Variants in BBS9 observed in about 807,000 individuals in gnomAD.
BBS9 encodes the protein Bardet-Biedl syndrome 9.
Under a neutral mutation model 117.7 loss-of-function variants are expected in BBS9, and 89 were observed. The ratio of observed to expected loss-of-function variants is 0.76; its 90% confidence interval spans 0.64 to 0.90. BBS9 has a LOEUF of 0.90. BBS9 is among the 40% of genes least tolerant of loss of function. The pLI is 0.00. For missense variants in BBS9, 982 were observed against 1,042.2 expected (o/e 0.94, Z 0.80); for synonymous variants, 379 against 370.9 (o/e 1.02, Z -0.25).
chr7:33,174,154 G>T (rs1796995512), intron 4 of BBS9, among the ~76,000 whole-genome samples: 1 of 152,168 alleles, frequency 6.6e-6, no homozygotes, highest in African/African-American at 2.4e-5. Context: ...TCAGAAATTT[G>T]CTCAAAGAAA....
intron 19 of BBS9, among the ~76,000 whole-genome samples, chr7:33,491,209 A>G (rs1291972386): frequency 6.6e-6 from 1 of 152,220 alleles, no homozygotes; most frequent in Non-Finnish European, 1.5e-5. Flanking sequence ...TCCAAACAAA[A>G]TACCACACAA....
chr7:33,555,369 A>G (rs1340606385), intron 21 of BBS9, among the ~76,000 whole-genome samples: 1 of 152,190 alleles, frequency 6.6e-6, no homozygotes, highest in South Asian at 2.1e-4. Context: ...GTGCTGTCAC[A>G]GGCAATGGAA....
chr7:33,273,793 C>A, intron 8 of BBS9, 34 bp from the exon 9 acceptor site: 1 of 1,592,682 alleles, frequency 6.3e-7, no homozygotes, highest in Non-Finnish European at 8.6e-7. Context: ...TGACTGTTTT[C>A]TTAGTGTCTC....
chr7:33,206,615 G>A (rs1039504603), intron 5 of BBS9, among the ~76,000 whole-genome samples: 6 of 152,122 alleles, frequency 3.9e-5, no homozygotes, highest in Middle Eastern at 3.4e-3. Flanking sequence ...TCCCTGAACA[G>A]TGTGAAAGAA....
chr7:33,395,602 G>T (rs756881740), intron 19 of BBS9, among the ~76,000 whole-genome samples: 46 of 152,198 alleles, frequency 3.0e-4, no homozygotes, highest in Admixed American at 5.9e-4. Context: ...GAGGCAGATG[G>T]CTGACTTTTC....
At position 33,426,058 on chromosome 7, in the gene BBS9, A is replaced by G. The variant is rs549479415; in HGVS notation, c.2115+37914A>G. ...TTTATAAGGTCCAGTTTGTGGAGTA[A>G]AATATTGGCATGAAGAGAACGGAAA... On this transcript the variant is annotated intron_variant, in intron 19 of 22. Coordinates refer to ENST00000242067, the MANE Select transcript of BBS9 (RefSeq NM_198428.3). Among the ~76,000 whole-genome samples the G allele has an allele frequency of 1.8e-4, 28 of 152,318 alleles. 1 individual carries two copies. Among genetic ancestry groups the G allele is most frequent in the African/African-American group, 6.5e-4 (27 of 41,578 alleles).
rs192911786 is a variant in BBS9 at position 33,619,283 on chromosome 7, G to A, written c.2522-15894G>A. 2.3e-3 allele frequency among the ~76,000 whole-genome samples: 343 copies of A among 152,230 alleles called. 2 individuals are homozygous for A. Among genetic ancestry groups the A allele is most frequent in the African/African-American group, 7.8e-3 (324 of 41,562 alleles). Reference sequence around the variant, plus strand: ...ATATATATAATTATATATTGATAAAGTGGTCAATTCATCAAGAAGGTATAA... The same window carrying A: ...ATATATATAATTATATATTGATAAAATGGTCAATTCATCAAGAAGGTATAA... On this transcript the variant is annotated intron_variant, in intron 21 of 21. Transcript: ENST00000671952.
intron 17 of BBS9, among the ~76,000 whole-genome samples, chr7:33,369,262 T>C (rs1482400720): frequency 6.6e-6 from 1 of 152,166 alleles, no homozygotes; most frequent in Non-Finnish European, 1.5e-5. Context: ...ACACATTTGT[T>C]TGACTGCAGT....
rs904098347 is a variant in BBS9, at chr7:33,177,484, T to C, written c.335T>C (p.Leu112Ser). Residue 112 changes from leucine to serine, a missense_variant, in exon 5 of 23, where the codon TTG (leucine) becomes TCG (serine). By Grantham distance (145) the Leu-to-Ser change is moderately radical. Transcript: ENST00000242067. ...KLCVYSVSGT[L>S]GNVEHGNQCQ... ...CTTTTTTTTTTTTCCTTAGGAACCT[T>C]GGGTAATGTGGAACATGGGAACCAA... 57 of 1,607,484 alleles carry C rather than the reference T, an allele frequency of 3.5e-5. No homozygotes were observed. The highest frequency in any genetic ancestry group is 4.7e-5 in the Non-Finnish European group (55 of 1,175,296).
intron 9 of BBS9, among the ~76,000 whole-genome samples, chr7:33,328,055 G>A (rs1813207721): frequency 6.6e-6 from 1 of 152,152 alleles, no homozygotes; most frequent in Non-Finnish European, 1.5e-5. Flanking sequence ...GTACATGTCT[G>A]GCTGGAGATA....
At chr7:33,287,727 A>C (rs2128390520) in intron 9 of BBS9, among the ~76,000 whole-genome samples, 1 of 152,326 alleles carries the variant, frequency 6.6e-6, no homozygotes, top group African/African-American at 2.4e-5. Context: ...TACCTGCTTT[A>C]TTAATGTGCT....
intron 19 of BBS9, among the ~76,000 whole-genome samples, chr7:33,403,030 G>A (rs1829196696): frequency 1.3e-5 from 2 of 152,170 alleles, no homozygotes; most frequent in African/African-American, 4.8e-5. Context: ...TTCATTCTTT[G>A]TTTATGACTG....
intron 19 of BBS9, among the ~76,000 whole-genome samples, chr7:33,401,312 G>T (rs1048091266): frequency 6.6e-6 from 1 of 152,172 alleles, no homozygotes; most frequent in African/African-American, 2.4e-5. Context: ...GTGATTCAAG[G>T]TAAAAGTATT....
intron 16 of BBS9, among the ~76,000 whole-genome samples, chr7:33,365,960 G>A (rs1212074403): frequency 6.6e-6 from 1 of 152,192 alleles, no homozygotes; most frequent in African/African-American, 2.4e-5. Context: ...GCTCACTCTG[G>A]TGGTAGCTCT....
intron 19 of BBS9, among the ~76,000 whole-genome samples, chr7:33,425,894 A>G (rs534247126): frequency 2.3e-4 from 35 of 152,338 alleles, no homozygotes; most frequent in Admixed American, 5.9e-4. Context: ...AAAAGAGAAC[A>G]AACTAAAGTA....
At chr7:33,603,723 T>A (rs937567818) in intron 21 of BBS9, among the ~76,000 whole-genome samples, 4 of 152,182 alleles carry the variant, frequency 2.6e-5, no homozygotes, top group Non-Finnish European at 5.9e-5. Flanking sequence ...CAAGTTCCAT[T>A]GCATTGATGG....
chr7:33,627,221 T>C (rs1167142423), intron 21 of BBS9, among the ~76,000 whole-genome samples: 1 of 152,236 alleles, frequency 6.6e-6, no homozygotes, highest in Non-Finnish European at 1.5e-5. Flanking sequence ...TCTAGGCTGC[T>C]GCTCCTGAGG....
chr7:33,344,814 A>C (rs1817297135), intron 12 of BBS9, among the ~76,000 whole-genome samples, 180 bp downstream of exon 12: 1 of 152,218 alleles, frequency 6.6e-6, no homozygotes, highest in Admixed American at 6.5e-5. Context: ...GCAAATATAA[A>C]ACTGGTAATT....
At chr7:33,534,472 T>C in intron 21 of BBS9, 1 of 453,690 alleles carries the variant, frequency 2.2e-6, no homozygotes, top group Non-Finnish European at 4.1e-6. Flanking sequence ...GATAAACTAT[T>C]TTTAAGAAAA....
Sources: allele counts gnomAD v4.1 joint callset (sites outside exome capture counted in the v4.1 genomes callset), GRCh38; gene constraint gnomAD v4.1.1; transcripts MANE v1.5; gene names NCBI Gene and HGNC (gene_info 2026-07-23, HGNC 2026-07-21).